Variants in NHS observed in about 807,000 individuals in gnomAD.
The protein encoded by NHS is actin remodeling regulator NHS.
NHS carries 5 observed loss-of-function variants against 72.5 expected under a neutral mutation model. The observed-to-expected ratio is 0.07, with a 90% CI of 0.04 to 0.14. The LOEUF is 0.14. Among genes scored for constraint, NHS ranks in the 10% least tolerant of loss-of-function variants. NHS has a pLI of 1.00. For synonymous variants in NHS, 464 were observed against 547.7 expected (o/e 0.85, Z 2.13); for missense variants, 1,072 against 1,355.7 (o/e 0.79, Z 3.29).
intron 1 of NHS, among the ~76,000 whole-genome samples, chrX:17,384,071 A>C (rs1445576161): frequency 2.7e-5 from 3 of 112,255 alleles, no homozygotes; most frequent in Non-Finnish European, 3.8e-5. Context: ...TAACCTCTGA[A>C]AGGAACCAGG....
intron 1 of NHS, among the ~76,000 whole-genome samples, chrX:17,519,828 C>A (rs137944403): frequency 9.1e-6 from 1 of 110,437 alleles, no homozygotes; most frequent in East Asian, 2.8e-4. Context: ...TCATCATCAT[C>A]GTCATCATCA....
chrX:17,597,115 CGTTTT>C (rs1161890118), intron 1 of NHS, among the ~76,000 whole-genome samples: 1 of 92,276 alleles, frequency 1.1e-5, no homozygotes, highest in African/African-American at 5.3e-5. Context: ...ACTATTCTTC[CGTTTT>C]TTTTTTTTTT....
At chrX:17,538,923 T>C (rs1316544288) in intron 1 of NHS, among the ~76,000 whole-genome samples, 1 of 112,277 alleles carries the variant, frequency 8.9e-6, no homozygotes, top group East Asian at 2.8e-4. Context: ...ACTGCCCTTG[T>C]CTTTCTGCCT....
At chrX:17,591,938 C>G (rs893185849) in intron 1 of NHS, among the ~76,000 whole-genome samples, 7 of 111,185 alleles carry the variant, frequency 6.3e-5, no homozygotes, top group African/African-American at 2.3e-4. Flanking sequence ...TCTCGTGGTT[C>G]CTGGATAGTC....
rs764216556 is a variant in NHS, at chrX:17,468,200, G to C, written c.565+91878G>C. Reference sequence around the variant, plus strand: ...GTTTTTCCCATCATGCTATTTGCCAGTGTTAAAAAAAAATGAGGAATGAGC... The same window carrying C: ...GTTTTTCCCATCATGCTATTTGCCACTGTTAAAAAAAAATGAGGAATGAGC... On this transcript the variant is annotated intron_variant, in intron 1 of 8. Coordinates refer to ENST00000676302, the MANE Select transcript of NHS (RefSeq NM_001291867.2). Among the ~76,000 whole-genome samples, 9 of 110,844 alleles carry C rather than the reference G, an allele frequency of 8.1e-5. No individual in the cohort carries two copies. The East Asian group carries it at 1.1e-3, about 14-fold the overall frequency.
chrX:17,586,740 G>A (rs1450816030), intron 1 of NHS: 1 of 112,005 alleles, frequency 8.9e-6, no homozygotes, highest in Non-Finnish European at 1.9e-5. Context: ...GATGCCATAA[G>A]CAAAGGACTG....
chrX:17,647,947 C>T (rs148808407), intron 1 of NHS, among the ~76,000 whole-genome samples: 1,550 of 108,771 alleles, frequency 0.014, 32 homozygotes, highest in African/African-American at 0.051. Context: ...CCTTGAGCAG[C>T]GACAGTATTT....
intron 1 of NHS, among the ~76,000 whole-genome samples, chrX:17,532,163 T>A (rs779143164): frequency 5.4e-5 from 6 of 112,039 alleles, no homozygotes; most frequent in East Asian, 5.6e-4. Context: ...GAAAACTTTT[T>A]AAAATTGTTT....
rs909470817 is a variant in NHS at position 17,635,629 on chromosome X, A to G, written c.566-52113A>G. 3 of 1,157,567 alleles carry G rather than the reference A, an allele frequency of 2.6e-6. No individual in the cohort carries two copies. In the African/African-American group the frequency reaches 5.3e-5, roughly 21 times the overall value. ...TTTGGGGTTTGCAGCATTTCTTGGC[A>G]AGACAAAGGGGAGGGGGAGGCTGGG... On this transcript the variant is annotated intron_variant, in intron 1 of 8. Coordinates refer to ENST00000676302, the MANE Select transcript of NHS (RefSeq NM_001291867.2).
At chrX:17,442,559 A>T (rs2064761018) in intron 1 of NHS, among the ~76,000 whole-genome samples, 1 of 112,452 alleles carries the variant, frequency 8.9e-6, no homozygotes, top group African/African-American at 3.2e-5. Context: ...AGCATTCAAC[A>T]TTCACGTTGA....
At chrX:17,487,341 T>G (rs762530314) in intron 1 of NHS, among the ~76,000 whole-genome samples, 11 of 111,729 alleles carry the variant, frequency 9.8e-5, no homozygotes, top group African/African-American at 3.6e-4. Flanking sequence ...CAGGGTTTTT[T>G]TCTGCCTTTG....
intron 2 of NHS, among the ~76,000 whole-genome samples, chrX:17,691,006 A>C (rs1006958049): frequency 8.9e-6 from 1 of 111,852 alleles, no homozygotes; most frequent in East Asian, 2.8e-4. Flanking sequence ...GCAAGATTCC[A>C]CTGCAGTTTC....
intron 1 of NHS, among the ~76,000 whole-genome samples, chrX:17,620,798 G>A (rs894097571): frequency 9.0e-6 from 1 of 111,416 alleles, no homozygotes; most frequent in East Asian, 2.8e-4. Context: ...CTGCTCCTGA[G>A]ATGAGGGAAA....
chrX:17,662,447 C>T (rs766863940), intron 1 of NHS, among the ~76,000 whole-genome samples: 1 of 111,625 alleles, frequency 9.0e-6, no homozygotes, highest in Non-Finnish European at 1.9e-5. Context: ...AAGTGCTCTC[C>T]CACCTGATTA....
At chrX:17,389,690 C>A (rs1407264027) in intron 1 of NHS, among the ~76,000 whole-genome samples, 1 of 109,995 alleles carries the variant, frequency 9.1e-6, no homozygotes, top group African/African-American at 3.3e-5. Context: ...CAACCTCTGC[C>A]CACCGGGTTC....
At chrX:17,574,226 G>T (rs2146977522) in intron 1 of NHS, among the ~76,000 whole-genome samples, 1 of 112,332 alleles carries the variant, frequency 8.9e-6, no homozygotes. Context: ...TGTCAGGCAG[G>T]GACGTTTAAG....
At chrX:17,393,955 T>A (rs991351345) in intron 1 of NHS, among the ~76,000 whole-genome samples, 1 of 111,408 alleles carries the variant, frequency 9.0e-6, no homozygotes, top group Admixed American at 9.5e-5. Flanking sequence ...TTTCCCTGAC[T>A]CCGTTGCTGA....
intron 1 of NHS, among the ~76,000 whole-genome samples, chrX:17,682,873 G>A (rs1409462830): frequency 9.0e-6 from 1 of 111,546 alleles, no homozygotes; most frequent in African/African-American, 3.3e-5. Context: ...TGGGGTTAGA[G>A]AGGCTGGGGC....
intron 1 of NHS, among the ~76,000 whole-genome samples, chrX:17,673,873 C>T (rs1209450804): frequency 8.9e-6 from 1 of 112,343 alleles, no homozygotes; most frequent in Non-Finnish European, 1.9e-5. Context: ...CAGCCCTTAA[C>T]CCTCCTCCTA....
Sources: allele counts gnomAD v4.1 joint callset (sites outside exome capture counted in the v4.1 genomes callset), GRCh38; gene constraint gnomAD v4.1.1; transcripts MANE v1.5; gene names NCBI Gene and HGNC (gene_info 2026-07-23, HGNC 2026-07-21).